LNPEP: variants seen among roughly 807,000 people sequenced by gnomAD.
LNPEP encodes the protein leucyl-cystinyl aminopeptidase.
LNPEP carries 64 observed loss-of-function variants against 120.6 expected under a neutral mutation model. The ratio of observed to expected loss-of-function variants is 0.53; its 90% CI spans 0.43 to 0.65. The LOEUF (loss-of-function observed/expected upper bound fraction) is 0.65, where lower values mean the gene tolerates loss of function less well. Among genes scored for constraint, LNPEP ranks in the 30% least tolerant of loss-of-function variants. The pLI, the probability that LNPEP is intolerant of heterozygous loss-of-function variation, is 0.00. For synonymous variants in LNPEP, 435 were observed against 425.4 expected (o/e 1.02, Z -0.28); for missense variants, 1,057 against 1,200.0 (o/e 0.88, Z 1.76).
rs2112686945 is a variant in LNPEP at position 97,035,948 on chromosome 5, C to G, written c.*7415C>G. The stretch of plus-strand genomic sequence containing the variant: ...TGTGCTTTTGTAAATTCTAGAAAGG[C>G]AAGAGGACAATATTGAATAAAGCTG... On this transcript the variant is annotated 3_prime_UTR_variant, in exon 18 of 18. Coordinates refer to ENST00000231368, the MANE Select transcript of LNPEP (RefSeq NM_005575.3). 6.6e-6 allele frequency: 1 copy of G among 152,264 alleles called. No individual in the cohort carries two copies. The highest frequency in any genetic ancestry group is 1.9e-4 in the East Asian group (1 of 5,190). The allele number at this position is 152,264 out of a possible 1,614,324, so 9.4% of individuals were successfully genotyped here.
At chr5:96,988,267 A>ATTTC (rs1173831497) in intron 4 of LNPEP, among the ~76,000 whole-genome samples, 1 of 149,040 alleles carries the variant, frequency 6.7e-6, no homozygotes. Flanking sequence ...ATTCAGCAAT[A>ATTTC]TTTCTTTTCT....
chr5:96,970,533 G>A (rs959463051), intron 1 of LNPEP, among the ~76,000 whole-genome samples: 32 of 152,042 alleles, frequency 2.1e-4, no homozygotes, highest in African/African-American at 6.7e-4. Context: ...TAATGCATAG[G>A]TCAGGTTTAA....
chr5:96,985,474 T>C (rs1790218975), intron 3 of LNPEP, among the ~76,000 whole-genome samples: 1 of 152,178 alleles, frequency 6.6e-6, no homozygotes, highest in African/African-American at 2.4e-5. Context: ...CATTGTATAT[T>C]AAGTTGTGCA....
chr5:96,961,133 TTGA>T (rs1581986522), intron 1 of LNPEP, among the ~76,000 whole-genome samples: 1 of 152,198 alleles, frequency 6.6e-6, no homozygotes, highest in Non-Finnish European at 1.5e-5. Context: ...CTTGCTTCAG[TTGA>T]TGAATGCTTC....
intron 11 of LNPEP, among the ~76,000 whole-genome samples, chr5:97,008,334 C>CTTTT (rs1561450377): frequency 6.2e-5 from 3 of 48,656 alleles, no homozygotes; most frequent in African/African-American, 2.5e-4. Flanking sequence ...TTTGTTTTTT[C>CTTTT]TTGTTTTTTT....
At position 97,006,419 on chromosome 5, in the gene LNPEP, C is replaced by T. The variant is rs2112646595; in HGVS notation, c.1947-8C>T. The T allele has an allele frequency of 6.6e-7, 1 of 1,517,142 alleles. No individual in the cohort carries two copies. Among genetic ancestry groups the T allele is most frequent in the Non-Finnish European group, 9.0e-7 (1 of 1,108,548 alleles). 94.0% of individuals were successfully genotyped at this position (1,517,142 alleles called of 1,614,324 possible). On this transcript the variant is annotated splice_region_variant and splice_polypyrimidine_tract_variant and intron_variant, in intron 10 of 17. Transcript: ENST00000231368. ...TGTAACTAATTTTCCAATGTTTTCT[C>T]TTTACAGCTACCTGTGGCATATTCC...
At chr5:97,012,342 C>T (rs1472903144) in intron 11 of LNPEP, among the ~76,000 whole-genome samples, 1 of 152,046 alleles carries the variant, frequency 6.6e-6, no homozygotes, top group Non-Finnish European at 1.5e-5. Context: ...TTAGATTATT[C>T]TTATCTCTAC....
Position 96,979,470 on chromosome 5 carries a change from A to AT in LNPEP, c.353dup (p.Val119ArgfsTer25). ...GACCATGGTGGTCTGTGCTTTTGTC[A>AT]TCGTGGTTGCTGTTTCTGTAATCAT... On this transcript the variant is annotated frameshift_variant, in exon 2 of 18. Transcript: ENST00000231368. LOFTEE classifies it high-confidence loss of function. 6.2e-7 allele frequency: 1 copy of AT among 1,614,106 alleles called. No homozygotes were observed. Among genetic ancestry groups the AT allele is most frequent in the Non-Finnish European group, 8.5e-7 (1 of 1,179,960 alleles).
At chr5:96,950,008 A>G (rs1455263479) in intron 1 of LNPEP, among the ~76,000 whole-genome samples, 2 of 151,992 alleles carry the variant, frequency 1.3e-5, no homozygotes, top group African/African-American at 4.8e-5. Context: ...GTAATTCCAA[A>G]TCATTTTTTG....
chr5:96,936,713 C>CG (rs1297627914), intron 1 of LNPEP: 1 of 152,022 alleles, frequency 6.6e-6, no homozygotes, highest in Non-Finnish European at 1.5e-5. Context: ...TCACCTCGCT[C>CG]GGTGCCGCGG....
chr5:97,035,136 A>G lies in LNPEP; in HGVS notation c.*6603A>G, dbSNP rs1791547801. 1 of 151,868 alleles carries G rather than the reference A, an allele frequency of 6.6e-6. No homozygotes were observed. Among genetic ancestry groups the G allele is most frequent in the Non-Finnish European group, 1.5e-5 (1 of 67,938 alleles). 9.4% of individuals were successfully genotyped at this position (151,868 alleles called of 1,614,324 possible). A position where few individuals can be genotyped will look rare whatever the true frequency, so the allele number is the denominator to read the frequency against. The stretch of plus-strand genomic sequence containing the variant: ...CATTGCCTACAGGGGCAATAGTTTC[A>G]TATCTTGGGTTTTTTATTGTTTAAT... On this transcript the variant is annotated 3_prime_UTR_variant, in exon 18 of 18. Coordinates refer to ENST00000231368, the MANE Select transcript of LNPEP (RefSeq NM_005575.3).
chr5:96,951,468 C>T (rs956237101), intron 1 of LNPEP, among the ~76,000 whole-genome samples: 1 of 152,100 alleles, frequency 6.6e-6, no homozygotes, highest in Non-Finnish European at 1.5e-5. Flanking sequence ...CTGTGTTAGC[C>T]AGGATGGTCT....
chr5:96,964,244 A>G, intron 1 of LNPEP, among the ~76,000 whole-genome samples: 1 of 152,002 alleles, frequency 6.6e-6, no homozygotes, highest in African/African-American at 2.4e-5. Flanking sequence ...TCAATTCTAA[A>G]ACATCCTAAT....
intron 11 of LNPEP, chr5:97,010,195 CCT>C (rs567960185): frequency 0.012 from 8,880 of 723,002 alleles, no homozygotes; most frequent in Non-Finnish European, 0.014. Context: ...TTTCTTCCTC[CCT>C]CTCTCTCTCT....
At chr5:96,952,349 G>A (rs1581979176) in intron 1 of LNPEP, among the ~76,000 whole-genome samples, 1 of 152,262 alleles carries the variant, frequency 6.6e-6, no homozygotes, top group East Asian at 1.9e-4. Flanking sequence ...AGTGAAAATG[G>A]CATATAACAT....
rs1018035564 is a variant in LNPEP at position 97,032,827 on chromosome 5, C to G, written c.*4294C>G. ...CGTTTCTCCTTATTGTTCGCATGGA[C>G]AATAACTGACAGAGTAGTCCTAGTT... On this transcript the variant is annotated 3_prime_UTR_variant, in exon 18 of 18. Coordinates refer to ENST00000231368, the MANE Select transcript of LNPEP (RefSeq NM_005575.3). 2.6e-5 allele frequency: 4 copies of G among 152,130 alleles called. No individual in the cohort carries two copies. The highest frequency in any genetic ancestry group is 2.0e-4 in the Admixed American group (3 of 15,280). The allele number at this position is 152,130 out of a possible 1,614,324, so 9.4% of individuals were successfully genotyped here.
At chr5:96,994,136 G>A (rs900780858) in intron 6 of LNPEP, among the ~76,000 whole-genome samples, 165 bp downstream of exon 6, 1 of 151,954 alleles carries the variant, frequency 6.6e-6, no homozygotes, top group Non-Finnish European at 1.5e-5. Context: ...AAATGAAAAT[G>A]CTATCAGATG....
chr5:96,975,007 G>A (rs570702750), intron 1 of LNPEP, among the ~76,000 whole-genome samples: 2 of 152,048 alleles, frequency 1.3e-5, no homozygotes, highest in African/African-American at 4.8e-5. Flanking sequence ...CAGGTGATTC[G>A]GAAACCTGAA....
intron 2 of LNPEP, 80 bp downstream of exon 2, chr5:96,980,058 C>A: frequency 3.0e-6 from 4 of 1,322,008 alleles, no homozygotes; most frequent in South Asian, 1.5e-5. Flanking sequence ...ACACCAGAGA[C>A]ACGAATTGTG....
Sources: gnomAD v4.1 joint callset for allele counts (sites outside exome capture counted in the v4.1 genomes callset) on GRCh38, gnomAD v4.1.1 for gene constraint, MANE v1.5 for transcripts, NCBI Gene and HGNC (gene_info 2026-07-23, HGNC 2026-07-21) for gene names.